DAAM2: variants seen among roughly 807,000 people sequenced by gnomAD.
DAAM2 encodes the protein dishevelled associated activator of morphogenesis 2.
DAAM2 carries 39 observed loss-of-function variants against 120.7 expected under a neutral mutation model. The ratio of observed to expected loss-of-function variants is 0.32; its 90% CI spans 0.25 to 0.42. The LOEUF (loss-of-function observed/expected upper bound fraction) is 0.42. DAAM2 is among the 10% of genes least tolerant of loss of function. DAAM2 has a pLI of 1.00. For missense variants in DAAM2, 1,283 were observed against 1,401.7 expected (o/e 0.92, Z 1.35); for synonymous variants, 488 against 524.9 (o/e 0.93, Z 0.96).
At chr6:39,838,194 A>G (rs1763181771) in intron 1 of DAAM2, among the ~76,000 whole-genome samples, 1 of 152,204 alleles carries the variant, frequency 6.6e-6, no homozygotes, top group South Asian at 2.1e-4. Context: ...CTGGGGCCCA[A>G]TGTCTTCATT....
chr6:39,799,158 G>A (rs1181817315), intron 1 of DAAM2, among the ~76,000 whole-genome samples: 1 of 152,112 alleles, frequency 6.6e-6, no homozygotes, highest in African/African-American at 2.4e-5. Flanking sequence ...CCACTGTTTG[G>A]TGGCTCCTGC....
intron 1 of DAAM2, among the ~76,000 whole-genome samples, chr6:39,832,146 T>G (rs1272979349): frequency 6.6e-6 from 1 of 151,908 alleles, no homozygotes. Context: ...TGCTCACTCC[T>G]CTGCAGCTCC....
At position 39,900,175 on chromosome 6, in the gene DAAM2, G is replaced by A. The variant is rs1183437615; in HGVS notation, c.2778G>A (p.Glu926=). The change falls in exon 23 of 25, where the codon GAG becomes GAA. Residue 926 remains glutamate (E), a synonymous_variant. Transcript: ENST00000274867. The stretch of plus-strand genomic sequence containing the variant: ...CGGTGTCCAGCTTCAGCTTCTCCGA[G>A]CTGGAGGACCAGCTAAATGAGGCCA... ...FITVSSFSFS[E]LEDQLNEARD... is the part of the protein sequence containing the mutation. 1.2e-6 allele frequency: 2 copies of A among 1,608,600 alleles called. No homozygotes were observed. Among genetic ancestry groups the A allele is most frequent in the East Asian group, 2.2e-5 (1 of 44,548 alleles).
rs531302594 is a variant in DAAM2, at chr6:39,807,412, C to T, written c.-57+14947C>T. ...TGAACAACCATAAAATTCAGAGAAGCGGCTCCTTCTAGGAAAGGCAGTAAG... is the reference window on the plus strand; with the variant it reads ...TGAACAACCATAAAATTCAGAGAAGTGGCTCCTTCTAGGAAAGGCAGTAAG... On this transcript the variant is annotated intron_variant, in intron 1 of 24. Transcript: ENST00000274867. Among the ~76,000 whole-genome samples, 10 of 152,224 alleles carry T rather than the reference C, an allele frequency of 6.6e-5. No homozygotes were observed. The East Asian group carries it at 7.7e-4, about 12-fold the overall frequency.
intron 1 of DAAM2, among the ~76,000 whole-genome samples, chr6:39,804,943 C>T (rs1052110048): frequency 2.6e-5 from 4 of 152,268 alleles, no homozygotes; most frequent in East Asian, 3.9e-4. Flanking sequence ...GCAAAATTCC[C>T]GCCCACCTCC....
intron 1 of DAAM2, among the ~76,000 whole-genome samples, chr6:39,845,592 C>T (rs150814370): frequency 6.6e-6 from 1 of 151,892 alleles, no homozygotes; most frequent in Non-Finnish European, 1.5e-5. Context: ...CACACACATA[C>T]CACTCCCCAC....
At chr6:39,832,237 C>T (rs1012691771) in intron 1 of DAAM2, among the ~76,000 whole-genome samples, 2 of 151,928 alleles carry the variant, frequency 1.3e-5, no homozygotes, top group African/African-American at 2.4e-5. Context: ...TAGTTTGTGT[C>T]AAATAAGGAG....
intron 10 of DAAM2, 116 bp from the exon 11 acceptor site, chr6:39,875,214 T>TTACC: frequency 8.9e-7 from 1 of 1,126,264 alleles, no homozygotes; most frequent in Non-Finnish European, 1.3e-6. Context: ...GACTGGGAGC[T>TTACC]TACCATAGGT....
chr6:39,800,228 G>A (rs1761818312), intron 1 of DAAM2, among the ~76,000 whole-genome samples: 1 of 152,088 alleles, frequency 6.6e-6, no homozygotes, highest in African/African-American at 2.4e-5. Context: ...GCTTTGCTTT[G>A]GCTCTTAGGC....
chr6:39,816,810 C>G (rs1374114674), intron 1 of DAAM2, among the ~76,000 whole-genome samples: 1 of 152,212 alleles, frequency 6.6e-6, no homozygotes, highest in Non-Finnish European at 1.5e-5. Context: ...TGCAGTGGAG[C>G]CAAGGACATC....
intron 1 of DAAM2, among the ~76,000 whole-genome samples, chr6:39,816,110 T>G (rs1762301624): frequency 6.6e-6 from 1 of 152,250 alleles, no homozygotes; most frequent in Non-Finnish European, 1.5e-5. Flanking sequence ...GTTTTGGTTT[T>G]TCTCTATAGG....
At chr6:39,804,522 C>CTGTGTGTGTGTGTGTGTG (rs10688621) in intron 1 of DAAM2, among the ~76,000 whole-genome samples, 1 of 149,346 alleles carries the variant, frequency 6.7e-6, no homozygotes, top group Non-Finnish European at 1.5e-5. Context: ...GAGATCAGTT[C>CTGTGTGTGTGTGTGTGTG]TGTGTGTGTG....
At chr6:39,825,364 G>A (rs1346150023) in intron 1 of DAAM2, among the ~76,000 whole-genome samples, 1 of 139,656 alleles carries the variant, frequency 7.2e-6, no homozygotes, top group Non-Finnish European at 1.5e-5. Context: ...ACTCCAGCTG[G>A]GTGACAGAGC....
At chr6:39,814,175 T>C (rs981480754) in intron 1 of DAAM2, among the ~76,000 whole-genome samples, 1 of 124,254 alleles carries the variant, frequency 8.0e-6, no homozygotes, top group African/African-American at 3.3e-5. Flanking sequence ...TTAAGTTTTC[T>C]TTTTCTTTCT....
At chr6:39,850,376 G>A (rs1237390512) in intron 1 of DAAM2, among the ~76,000 whole-genome samples, 1 of 152,088 alleles carries the variant, frequency 6.6e-6, no homozygotes, top group Non-Finnish European at 1.5e-5. Flanking sequence ...CTCCCAGGCT[G>A]GACCCGGTCC....
chr6:39,888,213 G>C (rs1054567797), intron 16 of DAAM2: 1 of 156,790 alleles, frequency 6.4e-6, no homozygotes, highest in Non-Finnish European at 1.4e-5. Flanking sequence ...ACAGCTGTGT[G>C]GGAGCTGAGG....
At chr6:39,856,583 T>C in intron 2 of DAAM2, 113 bp downstream of exon 2, 3 of 858,890 alleles carry the variant, frequency 3.5e-6, no homozygotes, top group Non-Finnish European at 4.9e-6. Context: ...TCAAAACTCC[T>C]CTTGGGAGGA....
intron 1 of DAAM2, among the ~76,000 whole-genome samples, chr6:39,835,617 CAT>C (rs913725140): frequency 6.6e-6 from 1 of 152,200 alleles, no homozygotes; most frequent in African/African-American, 2.4e-5. Context: ...AATGAACAAA[CAT>C]ATGGAGGAAG....
At chr6:39,806,736 C>T (rs1762018741) in intron 1 of DAAM2, among the ~76,000 whole-genome samples, 1 of 148,732 alleles carries the variant, frequency 6.7e-6, no homozygotes, top group South Asian at 2.1e-4. Context: ...AAAATGATGC[C>T]ATAGAATCAT....
Sources: gnomAD v4.1 joint callset for allele counts (sites outside exome capture counted in the v4.1 genomes callset) on GRCh38, gnomAD v4.1.1 for gene constraint, MANE v1.5 for transcripts, NCBI Gene and HGNC (gene_info 2026-07-23, HGNC 2026-07-21) for gene names.